Variants in CADM1 observed in about 807,000 individuals in gnomAD.
CADM1 encodes cell adhesion molecule 1, also known as TSLC-1.
Under a neutral mutation model 53.1 loss-of-function variants are expected in CADM1, and 15 were observed. That is an observed-to-expected ratio of 0.28 (90% confidence interval 0.19 to 0.44). CADM1 has a LOEUF of 0.44. Among genes scored for constraint, CADM1 ranks in the 20% least tolerant of loss-of-function variants. The probability of loss-of-function intolerance (pLI) is 1.00; values close to 1 mark genes in which losing one functional copy is unlikely to be tolerated. For missense variants in CADM1, 434 were observed against 611.3 expected, an observed-to-expected ratio of 0.71 and a Z score of 3.06; for synonymous variants, 281 against 243.0, an observed-to-expected ratio of 1.16 and a Z score of -1.45.
Position 115,175,465 on chromosome 11 carries a change from C to T in CADM1, c.*1009G>A, listed in dbSNP as rs756033089. ...CCTACAAATTAGTGAGAAGTAAGGC[C>T]GATTGGGAAAGGTGGATGGAATCAT... is the stretch of plus-strand genomic sequence containing the variant. On this transcript the variant is annotated 3_prime_UTR_variant, in exon 12 of 12. Coordinates refer to ENST00000331581, the MANE Select transcript of CADM1 (RefSeq NM_001301043.2). 2.3e-5 allele frequency: 23 copies of T among 985,404 alleles called. No homozygotes were observed. Among genetic ancestry groups the T allele is most frequent in the Middle Eastern group, 5.2e-4 (1 of 1,936 alleles). The allele number at this position is 985,404 out of a possible 1,614,324, so 61.0% of individuals were successfully genotyped here.
chr11:115,387,388 A>AGGAAAATGAAGCAAAG (rs1049469202), intron 1 of CADM1, among the ~76,000 whole-genome samples: 1 of 152,194 alleles, frequency 6.6e-6, no homozygotes, highest in Non-Finnish European at 1.5e-5. Flanking sequence ...TAAAATTGAA[A>AGGAAAATGAAGCAAAG]GGAAAATGAA....
chr11:115,443,323 T>C (rs1041070093), intron 1 of CADM1, among the ~76,000 whole-genome samples: 2 of 152,204 alleles, frequency 1.3e-5, no homozygotes, highest in Admixed American at 6.5e-5. Context: ...GTGTTAATTA[T>C]ACATCAAAAA....
intron 1 of CADM1, among the ~76,000 whole-genome samples, chr11:115,357,751 A>G (rs1945915017): frequency 6.6e-6 from 1 of 152,162 alleles, no homozygotes; most frequent in Non-Finnish European, 1.5e-5. Flanking sequence ...GCTAAATAAC[A>G]CGTCTATTTA....
At chr11:115,188,901 GT>G (rs68070649) in intron 10 of CADM1, among the ~76,000 whole-genome samples, 65,377 of 147,236 alleles carry the variant, frequency 0.44, 15,230 homozygotes, top group Non-Finnish European at 0.54. Context: ...TTTATTGGTT[GT>G]TTTTTTTTTC....
intron 1 of CADM1, among the ~76,000 whole-genome samples, chr11:115,403,798 T>C (rs1947225851): frequency 6.6e-6 from 1 of 151,690 alleles, no homozygotes. Flanking sequence ...GGTTTCACCA[T>C]GTTGGCCAGG....
chr11:115,308,772 T>TTCCC (rs1944456603), intron 1 of CADM1, among the ~76,000 whole-genome samples: 1 of 148,754 alleles, frequency 6.7e-6, no homozygotes, highest in East Asian at 2.0e-4. Context: ...CTTTCCCTCC[T>TTCCC]TCCCTCCCTC....
intron 1 of CADM1, among the ~76,000 whole-genome samples, chr11:115,253,249 G>A (rs1039830903): frequency 2.0e-5 from 3 of 152,190 alleles, no homozygotes; most frequent in African/African-American, 7.2e-5. Context: ...GCTTGCACGT[G>A]TCCTCTGCTG....
intron 9 of CADM1, among the ~76,000 whole-genome samples, chr11:115,197,487 A>G (rs1451035028): frequency 6.6e-6 from 1 of 152,136 alleles, no homozygotes; most frequent in African/African-American, 2.4e-5. Flanking sequence ...GCTAGATTTG[A>G]GCTAAGTAAT....
chr11:115,439,589 C>T (rs1355570715), intron 1 of CADM1, among the ~76,000 whole-genome samples: 1 of 152,192 alleles, frequency 6.6e-6, no homozygotes, highest in Non-Finnish European at 1.5e-5. Flanking sequence ...TAATGTTTTG[C>T]AGAGATGTCC....
At chr11:115,274,185 T>C (rs10502204) in intron 1 of CADM1, among the ~76,000 whole-genome samples, 17,930 of 152,274 alleles carry the variant, frequency 0.12, 1,751 homozygotes, top group East Asian at 0.32. Context: ...GCTTCTTAGT[T>C]AGTAATCTCT....
chr11:115,193,649 TAAATC>T (rs1940003306), intron 9 of CADM1, among the ~76,000 whole-genome samples: 1 of 152,096 alleles, frequency 6.6e-6, no homozygotes, highest in Non-Finnish European at 1.5e-5. Flanking sequence ...CTAGAGATAT[TAAATC>T]AATTCAAGGT....
At chr11:115,485,794 GAC>G (rs1348459266) in intron 1 of CADM1, among the ~76,000 whole-genome samples, 1 of 152,192 alleles carries the variant, frequency 6.6e-6, no homozygotes, top group Non-Finnish European at 1.5e-5. Context: ...AGAACGCTAA[GAC>G]ACATCTCTTT....
At chr11:115,404,096 C>A (rs530888839) in intron 1 of CADM1, among the ~76,000 whole-genome samples, 1 of 148,974 alleles carries the variant, frequency 6.7e-6, no homozygotes, top group Non-Finnish European at 1.5e-5. Flanking sequence ...GAGGCTGAGG[C>A]GGGCAGATCA....
intron 1 of CADM1, among the ~76,000 whole-genome samples, chr11:115,487,623 G>T (rs975960375): frequency 1.3e-5 from 2 of 152,186 alleles, no homozygotes; most frequent in African/African-American, 4.8e-5. Flanking sequence ...GCTGTTGCAT[G>T]AATGGAATAT....
At chr11:115,287,047 A>G (rs909897971) in intron 1 of CADM1, among the ~76,000 whole-genome samples, 2 of 152,206 alleles carry the variant, frequency 1.3e-5, no homozygotes, top group African/African-American at 4.8e-5. Flanking sequence ...CCTTCTCCCA[A>G]CTATTGCCTG....
chr11:115,469,034 C>A (rs1009756220), intron 1 of CADM1, among the ~76,000 whole-genome samples: 1 of 152,092 alleles, frequency 6.6e-6, no homozygotes, highest in Non-Finnish European at 1.5e-5. Flanking sequence ...TACCTCCCAC[C>A]GGGTCCCTCC....
intron 1 of CADM1, among the ~76,000 whole-genome samples, chr11:115,376,710 T>C (rs1946446714): frequency 1.3e-5 from 2 of 152,152 alleles, no homozygotes; most frequent in Admixed American, 1.3e-4. Flanking sequence ...GTGGGAAACC[T>C]ACCTGAACCA....
chr11:115,337,703 C>A (rs535851324), intron 1 of CADM1, among the ~76,000 whole-genome samples: 1 of 152,076 alleles, frequency 6.6e-6, no homozygotes, highest in South Asian at 2.1e-4. Context: ...ACTTCTATCA[C>A]AATACTATAA....
At chr11:115,186,434 C>T (rs189129396) in intron 10 of CADM1, among the ~76,000 whole-genome samples, 5 of 152,246 alleles carry the variant, frequency 3.3e-5, no homozygotes, top group South Asian at 2.1e-4. Context: ...CCTCATTCCC[C>T]GGGTGCGCAC....
Sources: allele counts gnomAD v4.1 joint callset (sites outside exome capture counted in the v4.1 genomes callset), GRCh38; gene constraint gnomAD v4.1.1; transcripts MANE v1.5; gene names NCBI Gene and HGNC (gene_info 2026-07-23, HGNC 2026-07-21).